Variants in CLMP observed in about 807,000 individuals in gnomAD.
The protein encoded by CLMP is CXADR-like membrane protein.
CLMP carries 27 observed loss-of-function variants against 45.2 expected under a neutral mutation model. That is an observed-to-expected ratio of 0.60 (90% CI 0.44 to 0.82). The LOEUF (loss-of-function observed/expected upper bound fraction) is 0.82, where lower values mean the gene tolerates loss of function less well. CLMP is among the 40% of genes least tolerant of loss of function. CLMP has a pLI of 0.00. For missense variants in CLMP, 403 were observed against 448.4 expected, an observed-to-expected ratio of 0.90 and a Z score of 0.91; for synonymous variants, 167 against 171.4, an observed-to-expected ratio of 0.97 and a Z score of 0.20.
Position 123,071,557 on chromosome 11 carries a change from C to G in CLMP, c.*1917G>C, listed in dbSNP as rs547494045. 6.6e-6 allele frequency: 1 copy of G among 152,286 alleles called. No individual in the cohort carries two copies. The highest frequency in any genetic ancestry group is 1.5e-5 in the Non-Finnish European group (1 of 68,054). 9.4% of individuals were successfully genotyped at this position (152,286 alleles called of 1,614,324 possible). ...TGGCCAACATGGAGAAACCCTGTCT[C>G]TATCAGAACTCCAAAAATTAGCTGG... is the stretch of plus-strand genomic sequence containing the variant. On this transcript the variant is annotated 3_prime_UTR_variant, in exon 7 of 7. Coordinates refer to ENST00000448775, the MANE Select transcript of CLMP (RefSeq NM_024769.5).
chr11:123,132,481 CAG>C (rs1380632922), intron 1 of CLMP, among the ~76,000 whole-genome samples: 1 of 151,980 alleles, frequency 6.6e-6, no homozygotes, highest in Admixed American at 6.6e-5. Flanking sequence ...ATTTTTGAGA[CAG>C]AGTCTTGCTC....
chr11:123,111,391 A>G (rs904712303), intron 1 of CLMP, among the ~76,000 whole-genome samples: 1 of 152,154 alleles, frequency 6.6e-6, no homozygotes, highest in South Asian at 2.1e-4. Flanking sequence ...GCAGCCTCCC[A>G]AAGTGCTGGG....
intron 1 of CLMP, among the ~76,000 whole-genome samples, chr11:123,144,121 G>C (rs1861204347): frequency 6.6e-6 from 1 of 151,438 alleles, no homozygotes; most frequent in African/African-American, 2.4e-5. Flanking sequence ...ACAGCCTTGT[G>C]AGATTCTAAG....
At chr11:123,151,324 A>G (rs1861335000) in intron 1 of CLMP, among the ~76,000 whole-genome samples, 1 of 152,202 alleles carries the variant, frequency 6.6e-6, no homozygotes, top group South Asian at 2.1e-4. Flanking sequence ...GTGACCTAGT[A>G]TTCGGTCCTG....
At position 123,150,627 on chromosome 11, in the gene CLMP, G is replaced by GAAGGAAGGAAGGA. The variant is rs1861324926; in HGVS notation, c.28+44273_28+44285dup. ...GAATGAAGGAAGGAAGGAAGGAAAG[G>GAAGGAAGGAAGGA]AAGGAAGGAAGGAAGGTAGGTGTGG... On this transcript the variant is annotated intron_variant, in intron 1 of 6. Coordinates refer to ENST00000448775, the MANE Select transcript of CLMP (RefSeq NM_024769.5). 1.3e-5 allele frequency among the ~76,000 whole-genome samples: 2 copies of GAAGGAAGGAAGGA among 149,394 alleles called. 1 individual carries two copies. Among genetic ancestry groups the GAAGGAAGGAAGGA allele is most frequent in the African/African-American group, 5.0e-5 (2 of 40,040 alleles).
intron 1 of CLMP, among the ~76,000 whole-genome samples, chr11:123,148,510 C>T (rs79688939): frequency 0.019 from 2,897 of 152,302 alleles, 77 homozygotes; most frequent in African/African-American, 0.064. Flanking sequence ...AGTTGGTTCC[C>T]GTTCTATTTT....
intron 1 of CLMP, among the ~76,000 whole-genome samples, chr11:123,174,198 G>A (rs1283841981): frequency 2.0e-5 from 3 of 152,124 alleles, no homozygotes; most frequent in African/African-American, 4.8e-5. Context: ...TTGTCCTTCA[G>A]AGCAAGCTCT....
intron 1 of CLMP, among the ~76,000 whole-genome samples, chr11:123,115,591 A>C (rs950001095): frequency 3.9e-5 from 6 of 152,226 alleles, no homozygotes; most frequent in Non-Finnish European, 7.4e-5. Flanking sequence ...AAACAGAAAA[A>C]AAAAATCTGT....
intron 1 of CLMP, among the ~76,000 whole-genome samples, chr11:123,184,819 C>G (rs1861812245): frequency 6.6e-6 from 1 of 152,192 alleles, no homozygotes; most frequent in African/African-American, 2.4e-5. Flanking sequence ...TGTTTGTTCC[C>G]TCATTCATTC....
At chr11:123,193,056 A>G (rs1239588348) in intron 1 of CLMP, 1 of 152,180 alleles carries the variant, frequency 6.6e-6, no homozygotes, top group Non-Finnish European at 1.5e-5. Flanking sequence ...CATGAAGAGG[A>G]TGGTGAGATC....
chr11:123,081,735 G>C (rs1173555673), intron 5 of CLMP, among the ~76,000 whole-genome samples: 1 of 152,014 alleles, frequency 6.6e-6, no homozygotes, highest in Admixed American at 6.6e-5. Flanking sequence ...GACGGCATGT[G>C]CCTGTAATTC....
At chr11:123,113,262 G>A (rs186857411) in intron 1 of CLMP, among the ~76,000 whole-genome samples, 1 of 152,304 alleles carries the variant, frequency 6.6e-6, no homozygotes, top group East Asian at 1.9e-4. Context: ...AGCAGCACCT[G>A]TTACCATTCT....
At chr11:123,118,998 T>TC (rs1860767722) in intron 1 of CLMP, among the ~76,000 whole-genome samples, 4 of 42,372 alleles carry the variant, frequency 9.4e-5, no homozygotes, top group East Asian at 6.4e-4. Flanking sequence ...TCTTTCTTTC[T>TC]TTCTCTCTCT....
rs192117809 is a variant in CLMP at position 123,111,396 on chromosome 11, G to A, written c.29-13444C>T. 3.8e-3 allele frequency among the ~76,000 whole-genome samples: 577 copies of A among 152,254 alleles called. 4 individuals carry two copies. The highest frequency in any genetic ancestry group is 0.013 in the African/African-American group (558 of 41,560). Reference sequence around the variant, plus strand: ...TCGGCCCACCGCAGCCTCCCAAAGTGCTGGGATTACAGGTGTGAGCCACCA... The same window carrying A: ...TCGGCCCACCGCAGCCTCCCAAAGTACTGGGATTACAGGTGTGAGCCACCA... On this transcript the variant is annotated intron_variant, in intron 1 of 6. Coordinates refer to ENST00000448775, the MANE Select transcript of CLMP (RefSeq NM_024769.5).
intron 1 of CLMP, among the ~76,000 whole-genome samples, chr11:123,161,939 T>A (rs1861493213): frequency 2.6e-5 from 4 of 152,192 alleles, no homozygotes. Flanking sequence ...AGGCCTCATG[T>A]ACAATATGAG....
chr11:123,086,836 C>T lies in CLMP; in HGVS notation c.187-2123G>A, dbSNP rs146747753. On this transcript the variant is annotated intron_variant, in intron 2 of 6. Coordinates refer to ENST00000448775, the MANE Select transcript of CLMP (RefSeq NM_024769.5). ...TTGAGGCTATAGTGAGCCAAGACTGCGCCACTGTACTCCAGCCTGGGTGAC... is the reference window on the plus strand; with the variant it reads ...TTGAGGCTATAGTGAGCCAAGACTGTGCCACTGTACTCCAGCCTGGGTGAC... Among the ~76,000 whole-genome samples, 1,236 of 152,140 alleles carry T rather than the reference C, an allele frequency of 8.1e-3. 13 individuals are homozygous for T. Among genetic ancestry groups the T allele is most frequent in the African/African-American group, 0.028 (1,142 of 41,492 alleles).
At chr11:123,185,974 C>A (rs893161663) in intron 1 of CLMP, among the ~76,000 whole-genome samples, 2 of 152,092 alleles carry the variant, frequency 1.3e-5, no homozygotes, top group African/African-American at 2.4e-5. Flanking sequence ...GAGGAACTTG[C>A]AGCTCCCACA....
At chr11:123,187,154 T>C (rs968603137) in intron 1 of CLMP, among the ~76,000 whole-genome samples, 5 of 151,950 alleles carry the variant, frequency 3.3e-5, no homozygotes, top group African/African-American at 7.3e-5. Flanking sequence ...AAACCTAAGG[T>C]TGGGGAGGTG....
At chr11:123,089,953 C>G (rs887908146) in intron 2 of CLMP, among the ~76,000 whole-genome samples, 4 of 151,404 alleles carry the variant, frequency 2.6e-5, no homozygotes, top group African/African-American at 9.7e-5. Flanking sequence ...ACAAAATTAG[C>G]TGGGCGTGGT....
Sources: gnomAD v4.1 joint callset for allele counts (sites outside exome capture counted in the v4.1 genomes callset) on GRCh38, gnomAD v4.1.1 for gene constraint, MANE v1.5 for transcripts, NCBI Gene and HGNC (gene_info 2026-07-23, HGNC 2026-07-21) for gene names.